CPA3: variants seen among roughly 807,000 people sequenced by gnomAD.
The protein encoded by CPA3 is carboxypeptidase A3, also known as mast cell carboxypeptidase A.
Under a neutral mutation model 55.8 loss-of-function variants are expected in CPA3, and 52 were observed. The observed-to-expected ratio is 0.93, with a 90% CI of 0.75 to 1.17. CPA3 has a LOEUF of 1.17. CPA3 is among the 50% of genes most tolerant of loss of function. The probability of loss-of-function intolerance (pLI) is 0.00; values close to 1 mark genes in which losing one functional copy is unlikely to be tolerated. For missense variants in CPA3, 547 were observed against 509.1 expected (o/e 1.07, Z -0.72); for synonymous variants, 179 against 171.2 (o/e 1.05, Z -0.36).
chr3:148,873,474 G>A (rs1238661227), intron 3 of CPA3, among the ~76,000 whole-genome samples: 2 of 152,184 alleles, frequency 1.3e-5, no homozygotes, highest in Admixed American at 1.3e-4. Context: ...AAGCAGCAAA[G>A]GATGGGAGCC....
chr3:148,877,700 G>A (rs1231433676), intron 3 of CPA3, among the ~76,000 whole-genome samples: 1 of 152,112 alleles, frequency 6.6e-6, no homozygotes, highest in Non-Finnish European at 1.5e-5. Context: ...TGTACAATAA[G>A]CATAATAATC....
intron 3 of CPA3, among the ~76,000 whole-genome samples, chr3:148,871,533 A>ACAT (rs1714067394): frequency 6.6e-6 from 1 of 152,206 alleles, no homozygotes; most frequent in South Asian, 2.1e-4. Flanking sequence ...CAAATAGCTC[A>ACAT]CATCAGCCTT....
rs370509092 is a variant in CPA3 at position 148,865,364 on chromosome 3, C to A, written c.57C>A (p.Val19=). 1.2e-6 allele frequency: 2 copies of A among 1,613,988 alleles called. No individual in the cohort carries two copies. Among genetic ancestry groups the A allele is most frequent in the Non-Finnish European group, 1.7e-6 (2 of 1,179,984 alleles). The change falls in exon 1 of 11, where the codon GTC becomes GTA. Residue 19 remains valine (V), a synonymous_variant. Transcript: ENST00000296046. ...LIATTLAIAP[V]RFDREKVFRV... ...CTACCACTCTTGCAATTGCTCCTGT[C>A]CGCTTTGACAGGTAAATCTTACTTC...
At chr3:148,867,922 T>G (rs1198844231) in intron 2 of CPA3, among the ~76,000 whole-genome samples, 2 of 152,152 alleles carry the variant, frequency 1.3e-5, no homozygotes, top group African/African-American at 4.8e-5. Flanking sequence ...TGAGACAGAG[T>G]TTTGCTCTTG....
intron 9 of CPA3, 152 bp from the exon 10 acceptor site, chr3:148,885,941 G>C: frequency 1.6e-6 from 1 of 625,956 alleles, no homozygotes; most frequent in Non-Finnish European, 2.8e-6. Flanking sequence ...ATCTCATAGG[G>C]TTGTTATGAG....
intron 10 of CPA3, among the ~76,000 whole-genome samples, chr3:148,891,497 C>CACACACACACACACACACACACACAT (rs1176458070): frequency 1.8e-4 from 27 of 149,570 alleles, no homozygotes; most frequent in African/African-American, 6.0e-4. Flanking sequence ...CACACACACA[C>CACACACACACACACACACACACACAT]ACACACACAC....
chr3:148,889,227 C>A (rs974724662), intron 10 of CPA3, among the ~76,000 whole-genome samples: 2 of 152,108 alleles, frequency 1.3e-5, no homozygotes, highest in African/African-American at 4.8e-5. Context: ...AACAGGGTAG[C>A]AAAGCAGTTG....
At chr3:148,885,943 T>C in intron 9 of CPA3, 150 bp from the exon 10 acceptor site, 1 of 627,956 alleles carries the variant, frequency 1.6e-6, no homozygotes. Flanking sequence ...CTCATAGGGT[T>C]GTTATGAGTC....
At chr3:148,880,586 C>T (rs1230903688) in intron 6 of CPA3, among the ~76,000 whole-genome samples, 2 of 152,156 alleles carry the variant, frequency 1.3e-5, no homozygotes, top group Non-Finnish European at 2.9e-5. Context: ...TCCCCCTCGG[C>T]CTCCCAAAGT....
At chr3:148,881,175 G>T (rs893346694) in intron 6 of CPA3, among the ~76,000 whole-genome samples, 1 of 152,070 alleles carries the variant, frequency 6.6e-6, no homozygotes, top group African/African-American at 2.4e-5. Flanking sequence ...TTATGTAAAA[G>T]ATGTGAGAGA....
rs767152780 is a variant in CPA3, at chr3:148,896,644, G to A, written c.1191G>A (p.Thr397=). ...TTCCAGAATCCCGGATAAAGCCAAC[G>A]TGCAGAGAGACCATGCTAGCTGTCA... ...FLLPESRIKP[T]CRETMLAVKF... The change falls in exon 11 of 11, where the codon ACG becomes ACA. Residue 397 remains threonine, a synonymous_variant. Coordinates refer to ENST00000296046, the MANE Select transcript of CPA3 (RefSeq NM_001870.4). 10 of 1,583,922 alleles carry A rather than the reference G, an allele frequency of 6.3e-6. No individual in the cohort carries two copies. The African/African-American group carries it at 8.0e-5, about 13-fold the overall frequency.
At chr3:148,879,385 A>G (rs1341671631) in intron 5 of CPA3, among the ~76,000 whole-genome samples, 1 of 152,172 alleles carries the variant, frequency 6.6e-6, no homozygotes, top group Non-Finnish European at 1.5e-5. Context: ...AACACAACAC[A>G]AGATCTTCTC....
intron 5 of CPA3, among the ~76,000 whole-genome samples, 200 bp from the exon 6 acceptor site, chr3:148,879,588 T>C (rs1045709857): frequency 6.6e-6 from 1 of 152,168 alleles, no homozygotes; most frequent in Non-Finnish European, 1.5e-5. Flanking sequence ...AAATATGCAT[T>C]GTAATAGATT....
intron 10 of CPA3, among the ~76,000 whole-genome samples, chr3:148,888,318 C>A (rs970245638): frequency 6.6e-6 from 1 of 152,176 alleles, no homozygotes; most frequent in Non-Finnish European, 1.5e-5. Flanking sequence ...AAAAAATGGA[C>A]AAGTCCCTTT....
At chr3:148,886,406 C>T (rs146694951) in intron 10 of CPA3, among the ~76,000 whole-genome samples, 64 of 152,170 alleles carry the variant, frequency 4.2e-4, no homozygotes, top group African/African-American at 1.5e-3. Context: ...TACAGGGTTA[C>T]AAGGTCAACG....
chr3:148,868,450 G>T (rs1467095545), intron 2 of CPA3, among the ~76,000 whole-genome samples: 1 of 152,070 alleles, frequency 6.6e-6, no homozygotes, highest in Non-Finnish European at 1.5e-5. Flanking sequence ...AAATGACTTT[G>T]CTGGGGGTCT....
rs780234673 is a variant in CPA3 at position 148,896,701 on chromosome 3, T to C, written c.1248T>C (p.Thr416=). The C allele has an allele frequency of 2.0e-6, 3 of 1,517,126 alleles. No homozygotes were observed. Among genetic ancestry groups the C allele is most frequent in the African/African-American group, 2.7e-5 (2 of 73,810 alleles). The allele number at this position is 1,517,126 out of a possible 1,614,324, so 94.0% of individuals were successfully genotyped here. The change falls in exon 11 of 11, where the codon ACT becomes ACC. Residue 416 remains threonine, a synonymous_variant. Coordinates refer to ENST00000296046, the MANE Select transcript of CPA3 (RefSeq NM_001870.4). ...TTGCCAAGTATATCCTCAAGCATAC[T>C]TCCTAAAGAACTGCCCTCTGTTTGG... ...KFIAKYILKH[T]S
intron 9 of CPA3, 55 bp downstream of exon 9, chr3:148,883,870 C>T (rs1033825036): frequency 1.5e-6 from 2 of 1,295,766 alleles, no homozygotes; most frequent in African/African-American, 2.9e-5. Context: ...GACTTTCAGT[C>T]TGTTCTTCAT....
At chr3:148,889,352 T>C (rs1043430584) in intron 10 of CPA3, among the ~76,000 whole-genome samples, 1 of 152,194 alleles carries the variant, frequency 6.6e-6, no homozygotes, top group Non-Finnish European at 1.5e-5. Context: ...GTCAGTGATT[T>C]CCTGTCTTCG....
Sources: allele counts gnomAD v4.1 joint callset (sites outside exome capture counted in the v4.1 genomes callset), GRCh38; gene constraint gnomAD v4.1.1; transcripts MANE v1.5; gene names NCBI Gene and HGNC (gene_info 2026-07-23, HGNC 2026-07-21).